Variants in ATXN7 observed in about 807,000 individuals in gnomAD.
ATXN7 encodes the protein ataxin-7.
Under a neutral mutation model 70.5 loss-of-function variants are expected in ATXN7, and 12 were observed. The ratio of observed to expected loss-of-function variants is 0.17; its 90% CI spans 0.11 to 0.28. ATXN7 has a LOEUF of 0.28. ATXN7 is among the 10% of genes least tolerant of loss of function. The pLI is 1.00. For missense variants in ATXN7, 1,256 were observed against 1,131.7 expected, an observed-to-expected ratio of 1.11 and a Z score of -1.58; for synonymous variants, 498 against 448.7, an observed-to-expected ratio of 1.11 and a Z score of -1.39.
intron 1 of ATXN7, among the ~76,000 whole-genome samples, chr3:63,896,670 A>G (rs1004720213): frequency 3.9e-5 from 6 of 152,216 alleles, no homozygotes; most frequent in Non-Finnish European, 7.3e-5. Flanking sequence ...GTTTTTTCCC[A>G]TACTAAAGAA....
chr3:63,882,288 C>T (rs933506025), intron 1 of ATXN7, among the ~76,000 whole-genome samples: 14 of 151,874 alleles, frequency 9.2e-5, no homozygotes, highest in African/African-American at 3.1e-4. Context: ...GTCAGCTTGT[C>T]GTGCAACATT....
Position 63,912,919 on chromosome 3 carries a change from G to A in ATXN7, c.321G>A (p.Lys107=). Residue 107 remains lysine (K), a synonymous_variant, in exon 3 of 13, where the codon AAG becomes AAA. Transcript: ENST00000674280. The part of the protein sequence containing the change: ...LWVEASKLPG[K]DGTELDESFK... ...TTGAGGCTTCCAAACTTCCTGGGAAGGACGGTGAGTGTCCACGCCCTCCTC... is the reference window on the plus strand; with the variant it reads ...TTGAGGCTTCCAAACTTCCTGGGAAAGACGGTGAGTGTCCACGCCCTCCTC... 1 of 1,610,630 alleles carries A rather than the reference G, an allele frequency of 6.2e-7. No homozygotes were observed. The highest frequency in any genetic ancestry group is 1.1e-5 in the South Asian group (1 of 91,040).
chr3:63,913,474 A>G (rs1365898333), intron 4 of ATXN7, among the ~76,000 whole-genome samples: 1 of 152,194 alleles, frequency 6.6e-6, no homozygotes, highest in Non-Finnish European at 1.5e-5. Flanking sequence ...GAGCGCTGGG[A>G]ACCGGCGGGA....
At chr3:63,888,591 A>G (rs1432044598) in intron 1 of ATXN7, among the ~76,000 whole-genome samples, 1 of 152,144 alleles carries the variant, frequency 6.6e-6, no homozygotes, top group Non-Finnish European at 1.5e-5. Flanking sequence ...ATCCTGGCCA[A>G]CATGGTGAAA....
At chr3:63,998,551 A>C (rs1179159771) in intron 12 of ATXN7, 1 of 985,064 alleles carries the variant, frequency 1.0e-6, no homozygotes, top group Non-Finnish European at 1.2e-6. Flanking sequence ...TTTTCCTTAA[A>C]ATCAGTTAAA....
Position 63,924,147 on chromosome 3 carries a change from T to C in ATXN7, c.394+10922T>C, listed in dbSNP as rs546756813. Among the ~76,000 whole-genome samples the C allele has an allele frequency of 8.5e-4, 129 of 152,136 alleles. 2 individuals carry two copies. The South Asian group carries it at 0.024, about 29-fold the overall frequency. ...GAGTTTACATGATTTGATGAAAAAT[T>C]GGATGTGGATGAGGGAGAAATATAA... On this transcript the variant is annotated intron_variant, in intron 4 of 12. Coordinates refer to ENST00000674280, the MANE Select transcript of ATXN7 (RefSeq NM_001377405.1).
Position 63,996,272 on chromosome 3 carries a change from A to G in ATXN7, c.2450A>G (p.Asn817Ser), listed in dbSNP as rs780603705. 1.6e-5 allele frequency: 26 copies of G among 1,613,782 alleles called. No individual in the cohort carries two copies. The highest frequency in any genetic ancestry group is 3.3e-4 in the Middle Eastern group (2 of 6,084). Residue 817 changes from asparagine to serine, a missense_variant, in exon 12 of 13, where the codon AAC becomes AGC. Physicochemically the swap from Asn to Ser is conservative, Grantham distance 46. Coordinates refer to ENST00000674280, the MANE Select transcript of ATXN7 (RefSeq NM_001377405.1). ...FIHQSNELPV[N>S]SHGSFSHSHT... ...CACCAGTCCAATGAACTGCCTGTCA[A>G]CTCCCACGGCAGTTTTTCCCACTCA...
chr3:63,912,649 G>GGCGGCGGCGGGCGGAGCAGCGGCC lies in ATXN7; in HGVS notation c.57_80dup (p.Gly21_Ala28dup), dbSNP rs752638522. The GGCGGCGGCGGGCGGAGCAGCGGCC allele has an allele frequency of 8.7e-6, 9 of 1,036,642 alleles. No homozygotes were observed. The African/African-American group carries it at 1.0e-4, about 12-fold the overall frequency. The allele number at this position is 1,036,642 out of a possible 1,614,324, so 64.2% of individuals were successfully genotyped here. A position where few individuals can be genotyped will look rare whatever the true frequency, so the allele number is the denominator to read the frequency against. On this transcript the variant is annotated inframe_insertion, in exon 3 of 13. Transcript: ENST00000674280. ...TCAGGGGGGAGCCGCGCCGCGCGGC[G>GGCGGCGGCGGGCGGAGCAGCGGCC]GCGGCGGCGGGCGGAGCAGCGGCCG...
At chr3:63,983,856 C>G (rs2075529246) in intron 8 of ATXN7, among the ~76,000 whole-genome samples, 2 of 151,966 alleles carry the variant, frequency 1.3e-5, no homozygotes, top group Admixed American at 1.3e-4. Context: ...CCAGCTACCC[C>G]CCAGATAGGT....
At chr3:63,954,963 C>G (rs970655713) in intron 5 of ATXN7, among the ~76,000 whole-genome samples, 2 of 152,148 alleles carry the variant, frequency 1.3e-5, no homozygotes, top group African/African-American at 2.4e-5. Flanking sequence ...CCTGCCTCCC[C>G]TTCCCAAAGT....
intron 1 of ATXN7, 62 bp from the exon 2 acceptor site, chr3:63,898,337 T>C (rs1355750515): frequency 6.6e-6 from 1 of 152,248 alleles, no homozygotes; most frequent in Non-Finnish European, 1.5e-5. Flanking sequence ...TGAGATTGTA[T>C]GTTTCTGATT....
At chr3:63,951,502 A>G (rs1489938918) in intron 4 of ATXN7, among the ~76,000 whole-genome samples, 1 of 152,228 alleles carries the variant, frequency 6.6e-6, no homozygotes, top group Non-Finnish European at 1.5e-5. Context: ...CAGATATTCT[A>G]AAGAGTGAAT....
chr3:63,947,732 G>T (rs1346099990), intron 4 of ATXN7, among the ~76,000 whole-genome samples: 1 of 152,168 alleles, frequency 6.6e-6, no homozygotes, highest in Non-Finnish European at 1.5e-5. Context: ...AACTAACTGG[G>T]GAGGGGGAAG....
At chr3:63,923,094 T>C (rs1041965070) in intron 4 of ATXN7, among the ~76,000 whole-genome samples, 1 of 152,224 alleles carries the variant, frequency 6.6e-6, no homozygotes, top group Non-Finnish European at 1.5e-5. Flanking sequence ...TCAGTGTATT[T>C]TGTTTATTTT....
intron 4 of ATXN7, among the ~76,000 whole-genome samples, chr3:63,950,171 C>T (rs1400132490): frequency 6.6e-6 from 1 of 151,984 alleles, no homozygotes; most frequent in Non-Finnish European, 1.5e-5. Context: ...TCAAAGGAAC[C>T]AGGGCAAAAA....
intron 4 of ATXN7, among the ~76,000 whole-genome samples, chr3:63,922,175 G>A (rs1704535894): frequency 6.6e-6 from 1 of 151,930 alleles, no homozygotes. Context: ...GAGTAGCTGG[G>A]GCCACAGGTG....
chr3:63,956,303 C>T (rs1010170073), intron 5 of ATXN7, among the ~76,000 whole-genome samples: 4 of 151,526 alleles, frequency 2.6e-5, no homozygotes, highest in Admixed American at 6.6e-5. Flanking sequence ...TGGTGGCGTG[C>T]GCTCCCACTT....
In ATXN7 at chr3:63,975,099, C is replaced by T. The variant is rs553664604; in HGVS notation, c.500-4816C>T. On this transcript the variant is annotated intron_variant, in intron 5 of 12. Transcript: ENST00000674280. ...TGAAAAAGTAAATGCAAAATTTCAA[C>T]ATGTTCGAATTGTTTCTTAGTATAT... 2.0e-5 allele frequency among the ~76,000 whole-genome samples: 3 copies of T among 152,264 alleles called. No individual in the cohort carries two copies. In the East Asian group the frequency reaches 5.8e-4, roughly 29 times the overall value.
chr3:63,993,852 T>C (rs2075712328), intron 11 of ATXN7, among the ~76,000 whole-genome samples: 1 of 152,140 alleles, frequency 6.6e-6, no homozygotes, highest in East Asian at 1.9e-4. Flanking sequence ...GGACTTCATT[T>C]AGAGCAGGGC....
Sources: allele counts gnomAD v4.1 joint callset (sites outside exome capture counted in the v4.1 genomes callset), GRCh38; gene constraint gnomAD v4.1.1; transcripts MANE v1.5; gene names NCBI Gene and HGNC (gene_info 2026-07-23, HGNC 2026-07-21).